BMP5: variants seen among roughly 807,000 people sequenced by gnomAD.
BMP5 encodes the protein bone morphogenetic protein 5.
A neutral mutation model predicts 46.6 loss-of-function variants in BMP5; 23 were observed. That is an observed-to-expected ratio of 0.49 (90% CI 0.35 to 0.70). The LOEUF (loss-of-function observed/expected upper bound fraction) is 0.70. BMP5 is among the 30% of genes least tolerant of loss of function. BMP5 has a pLI of 0.00. For synonymous variants in BMP5, 204 were observed against 191.9 expected (o/e 1.06, Z -0.52); for missense variants, 545 against 565.6 (o/e 0.96, Z 0.37).
At chr6:55,822,478 A>G (rs535809390) in intron 1 of BMP5, among the ~76,000 whole-genome samples, 1 of 152,240 alleles carries the variant, frequency 6.6e-6, no homozygotes, top group Admixed American at 6.6e-5. Context: ...ATATGCACCA[A>G]CCAGCCATTT....
chr6:55,784,704 A>G (rs928974091), intron 3 of BMP5, among the ~76,000 whole-genome samples: 3 of 151,856 alleles, frequency 2.0e-5, no homozygotes, highest in Non-Finnish European at 3.0e-5. Context: ...TGTGGACCAC[A>G]TCACAATTAA....
rs1265596557 is a variant in BMP5 at position 55,755,417 on chromosome 6, A to G, written c.*116T>C. On this transcript the variant is annotated 3_prime_UTR_variant, in exon 7 of 7. Coordinates refer to ENST00000370830, the MANE Select transcript of BMP5 (RefSeq NM_021073.4). ...TACATGATATTGTACATAGGAAAAG[A>G]GTCAAAATGAGCCAGACTAATTTTA... is the stretch of plus-strand genomic sequence containing the variant. 2 of 938,970 alleles carry G rather than the reference A, an allele frequency of 2.1e-6. No homozygotes were observed. Among genetic ancestry groups the G allele is most frequent in the Non-Finnish European group, 3.3e-6 (2 of 602,792 alleles). 58.2% of individuals were successfully genotyped at this position (938,970 alleles called of 1,614,324 possible). A position where few individuals can be genotyped will look rare whatever the true frequency, so the allele number is the denominator to read the frequency against.
chr6:55,760,413 G>T (rs1774741512), intron 5 of BMP5, 44 bp downstream of exon 5: 2 of 1,539,400 alleles, frequency 1.3e-6, no homozygotes, highest in Non-Finnish European at 1.8e-6. Context: ...AAGGATTTAT[G>T]ATAATTCAGA....
At chr6:55,808,709 G>A (rs1459097157) in intron 2 of BMP5, among the ~76,000 whole-genome samples, 1 of 152,156 alleles carries the variant, frequency 6.6e-6, no homozygotes, top group African/African-American at 2.4e-5. Flanking sequence ...TTGGCTGGGG[G>A]GTGGTGGCCC....
chr6:55,834,692 C>T (rs931709684), intron 1 of BMP5, among the ~76,000 whole-genome samples: 1 of 152,070 alleles, frequency 6.6e-6, no homozygotes, highest in Non-Finnish European at 1.5e-5. Flanking sequence ...TTTACAAACC[C>T]TCATTGACTT....
At chr6:55,789,594 G>T (rs557297108) in intron 3 of BMP5, among the ~76,000 whole-genome samples, 1 of 151,972 alleles carries the variant, frequency 6.6e-6, no homozygotes, top group Admixed American at 6.6e-5. Context: ...TTATAATGTA[G>T]GGAACTAGAA....
At chr6:55,762,156 CTT>C (rs558343453) in intron 4 of BMP5, among the ~76,000 whole-genome samples, 29 of 152,128 alleles carry the variant, frequency 1.9e-4, no homozygotes, top group Non-Finnish European at 4.1e-4. Flanking sequence ...TCATTCTTGT[CTT>C]GTGTTGGGTT....
intron 4 of BMP5, among the ~76,000 whole-genome samples, chr6:55,767,050 T>C (rs1774931879): frequency 6.6e-6 from 1 of 152,048 alleles, no homozygotes; most frequent in Non-Finnish European, 1.5e-5. Flanking sequence ...TATAAGAAAT[T>C]ATACCCAGAT....
intron 1 of BMP5, among the ~76,000 whole-genome samples, chr6:55,831,374 A>T (rs1277511348): frequency 6.6e-6 from 1 of 152,178 alleles, no homozygotes; most frequent in Non-Finnish European, 1.5e-5. Flanking sequence ...TGAGATATAA[A>T]CGTAAAAATT....
intron 2 of BMP5, among the ~76,000 whole-genome samples, chr6:55,805,095 T>G (rs996978438): frequency 6.6e-6 from 1 of 152,212 alleles, no homozygotes; most frequent in Admixed American, 6.5e-5. Flanking sequence ...CCCATTCATC[T>G]TTTGATGAAA....
chr6:55,858,241 AT>A (rs1000349405), intron 1 of BMP5, among the ~76,000 whole-genome samples: 2 of 151,924 alleles, frequency 1.3e-5, no homozygotes, highest in Non-Finnish European at 2.9e-5. Flanking sequence ...ATTCTTCTCA[AT>A]TTTTTTTCAG....
chr6:55,779,846 C>A (rs1775264864), intron 3 of BMP5, among the ~76,000 whole-genome samples: 1 of 150,582 alleles, frequency 6.6e-6, no homozygotes. Context: ...TTATTACTTT[C>A]TTGTTTTTCA....
At chr6:55,769,736 A>G (rs1775002101) in intron 4 of BMP5, among the ~76,000 whole-genome samples, 1 of 151,932 alleles carries the variant, frequency 6.6e-6, no homozygotes, top group South Asian at 2.1e-4. Flanking sequence ...TCTTTAAAAT[A>G]ATAAAACTTG....
intron 2 of BMP5, among the ~76,000 whole-genome samples, chr6:55,818,958 A>ACAGT: frequency 6.6e-6 from 1 of 152,138 alleles, no homozygotes; most frequent in African/African-American, 2.4e-5. Context: ...AGACAGACAG[A>ACAGT]CAGACAGACA....
rs374167499 is a variant in BMP5 at position 55,796,876 on chromosome 6, T to G, written c.684-2449A>C. ...ATTGCAATTCATTGGAAAGTAAATC[T>G]GGGAAGATGAAGTGGTATGGTCTAA... On this transcript the variant is annotated intron_variant, in intron 2 of 6. Transcript: ENST00000370830. Among the ~76,000 whole-genome samples the G allele has an allele frequency of 5.0e-4, 76 of 152,278 alleles. No individual in the cohort carries two copies. The South Asian group carries it at 0.015, about 31-fold the overall frequency.
Position 55,856,804 on chromosome 6 carries a change from A to G in BMP5, c.490+17572T>C, listed in dbSNP as rs368707585. ...TTTCAAAGCACAATCTTCATTATGT[A>G]CCATTTAATTTAATATTATTAATTG... On this transcript the variant is annotated intron_variant, in intron 1 of 6. Coordinates refer to ENST00000370830, the MANE Select transcript of BMP5 (RefSeq NM_021073.4). 4.1e-4 allele frequency among the ~76,000 whole-genome samples: 63 copies of G among 152,226 alleles called. No homozygotes were observed. In the South Asian group the frequency reaches 0.013, roughly 31 times the overall value.
intron 1 of BMP5, among the ~76,000 whole-genome samples, chr6:55,871,066 T>G (rs1020197849): frequency 6.6e-6 from 1 of 151,932 alleles, no homozygotes; most frequent in African/African-American, 2.4e-5. Context: ...TAAAATTGGC[T>G]TCTAACTAAA....
At chr6:55,798,905 C>T (rs1056805526) in intron 2 of BMP5, among the ~76,000 whole-genome samples, 1 of 152,070 alleles carries the variant, frequency 6.6e-6, no homozygotes, top group African/African-American at 2.4e-5. Flanking sequence ...ACCAGAAGGA[C>T]ACTACACTAA....
intron 4 of BMP5, among the ~76,000 whole-genome samples, chr6:55,769,306 TA>T (rs1022478470): frequency 2.0e-5 from 3 of 151,916 alleles, no homozygotes; most frequent in African/African-American, 7.2e-5. Context: ...TAAACTTATT[TA>T]AAATGCTAAA....
Sources: allele counts gnomAD v4.1 joint callset (sites outside exome capture counted in the v4.1 genomes callset), GRCh38; gene constraint gnomAD v4.1.1; transcripts MANE v1.5; gene names NCBI Gene and HGNC (gene_info 2026-07-23, HGNC 2026-07-21).